The following OTX1 variants were observed in gnomAD, a reference collection of about 807,000 sequenced individuals.
The protein encoded by OTX1 is homeobox protein OTX1.
Under a neutral mutation model 26.7 loss-of-function variants are expected in OTX1, and 7 were observed. The ratio of observed to expected loss-of-function variants is 0.26; its 90% CI spans 0.15 to 0.49. OTX1 has a LOEUF of 0.49. Among genes scored for constraint, OTX1 ranks in the 20% least tolerant of loss-of-function variants. OTX1 has a pLI of 0.98. For missense variants in OTX1, 414 were observed against 483.8 expected (o/e 0.86, Z 1.35); for synonymous variants, 216 against 212.8 (o/e 1.01, Z -0.13).
At position 63,056,401 on chromosome 2, in the gene OTX1, T is replaced by A. The variant is rs1264188093; in HGVS notation, c.*85T>A. ...TGTTGCTGCTGCTGCACCGCCCGCC[T>A]TTGCCTCGTCTTCTCCAAAACTGAA... On this transcript the variant is annotated 3_prime_UTR_variant, in exon 5 of 5. Transcript: ENST00000282549. 2 of 1,220,536 alleles carry A rather than the reference T, an allele frequency of 1.6e-6. No homozygotes were observed. Among genetic ancestry groups the A allele is most frequent in the African/African-American group, 1.5e-5 (1 of 65,916 alleles). The allele number at this position is 1,220,536 out of a possible 1,614,324, so 75.6% of individuals were successfully genotyped here.
chr2:63,050,533 C>T (rs2062017829), upstream of OTX1, among the ~76,000 whole-genome samples: 1 of 152,056 alleles, frequency 6.6e-6, no homozygotes, highest in Non-Finnish European at 1.5e-5. Context: ...GGCCTGGAGA[C>T]CCACGGCCCC....
chr2:63,054,852 CT>C (rs1258441913), intron 4 of OTX1, among the ~76,000 whole-genome samples: 1 of 152,234 alleles, frequency 6.6e-6, no homozygotes, highest in Non-Finnish European at 1.5e-5. Flanking sequence ...TGTGCTGGGG[CT>C]CTCCTAGAAG....
upstream of OTX1, among the ~76,000 whole-genome samples, chr2:63,049,744 A>T (rs1574625684): frequency 6.6e-6 from 1 of 152,264 alleles, no homozygotes; most frequent in Non-Finnish European, 1.5e-5. This position sits in a 1 kb window ranked among gnomAD's most constrained non-coding sequence, Gnocchi z 4.8. Context: ...TGCCATTTAA[A>T]AGATTCGCCT....
At chr2:63,054,025 G>A in intron 3 of OTX1, 22 bp from the exon 4 acceptor site, 1 of 1,605,072 alleles carries the variant, frequency 6.2e-7, no homozygotes, top group Non-Finnish European at 8.5e-7. Flanking sequence ...ATGACCCGCG[G>A]CGCCCCCGCG....
At chr2:63,053,879 C>T (rs957576729) in intron 3 of OTX1, 168 bp from the exon 4 acceptor site, 3 of 680,338 alleles carry the variant, frequency 4.4e-6, no homozygotes, top group Admixed American at 3.2e-5. Context: ...GCACTTTCTC[C>T]CACCTGTGGC....
In OTX1 at chr2:63,055,950, A is replaced by G. The variant is rs768018219; in HGVS notation, c.699A>G (p.Gln233=). Residue 233 remains glutamine (Q), a synonymous_variant, in exon 5 of 5, where the codon CAA becomes CAG. Coordinates refer to ENST00000282549, the MANE Select transcript of OTX1 (RefSeq NM_014562.4). This position sits in a 1 kb window ranked among gnomAD's most constrained non-coding sequence, Gnocchi z 5.2. The part of the protein sequence containing the change: ...MSYGQGGSYG[Q]GYPTPSSSYF... ...ACGGCCAGGGCGGCAGCTACGGCCA[A>G]GGCTACCCTACGCCCTCCTCTTCCT... 6.2e-7 allele frequency: 1 copy of G among 1,613,214 alleles called. No homozygotes were observed. The highest frequency in any genetic ancestry group is 8.5e-7 in the Non-Finnish European group (1 of 1,180,022).
chr2:63,053,612 T>C (rs1041103487), intron 3 of OTX1: 1 of 172,732 alleles, frequency 5.8e-6, no homozygotes, highest in African/African-American at 2.4e-5. Flanking sequence ...GTTTCTTTTT[T>C]AGCTCCCGCT....
chr2:63,054,060 G>A lies in OTX1; in HGVS notation c.111G>A (p.Lys37=), dbSNP rs542138973. 2.5e-6 allele frequency: 4 copies of A among 1,603,790 alleles called. No homozygotes were observed. Among genetic ancestry groups the A allele is most frequent in the East Asian group, 4.5e-5 (2 of 44,030 alleles). ...GTGTCCCCGCAGCCACTCCGCGGAAGCAGCGGCGGGAGCGCACCACCTTCA... is the reference window on the plus strand; with the variant it reads ...GTGTCCCCGCAGCCACTCCGCGGAAACAGCGGCGGGAGCGCACCACCTTCA... The part of the protein sequence containing the change: ...PSVGYPATPR[K]QRRERTTFTR... The change falls in exon 4 of 5, where the codon AAG becomes AAA. Residue 37 remains lysine (K), a synonymous_variant. Coordinates refer to ENST00000282549, the MANE Select transcript of OTX1 (RefSeq NM_014562.4).
Position 63,056,316 on chromosome 2 carries a change from AGCCC to A in OTX1, c.*1_*4del. ...CCTCATGGCGGTTCCAGGTCTTGTGAGCCCAGGAATGAAAGAGGAGAAGAAACGC... is the reference window on the plus strand; with the variant it reads ...CCTCATGGCGGTTCCAGGTCTTGTGAAGGAATGAAAGAGGAGAAGAAACGC... On this transcript the variant is annotated 3_prime_UTR_variant, in exon 5 of 5. Transcript: ENST00000282549. The A allele has an allele frequency of 6.2e-7, 1 of 1,605,042 alleles. No homozygotes were observed. The highest frequency in any genetic ancestry group is 8.5e-7 in the Non-Finnish European group (1 of 1,173,892).
At chr2:63,053,185 A>AG in intron 3 of OTX1, 98 bp downstream of exon 3, 1 of 799,400 alleles carries the variant, frequency 1.3e-6, no homozygotes, top group Admixed American at 2.7e-5. Context: ...GAGCAGGCCC[A>AG]GGGAGCCGGC....
At chr2:63,053,145 C>A in intron 3 of OTX1, 58 bp downstream of exon 3, 1 of 1,204,352 alleles carries the variant, frequency 8.3e-7, no homozygotes, top group South Asian at 1.5e-5. Flanking sequence ...GACCCCCAGA[C>A]TGTTGGATTT....
At chr2:63,051,789 C>T (rs1360268921) in intron 2 of OTX1, 3 of 152,604 alleles carry the variant, frequency 2.0e-5, no homozygotes, top group Admixed American at 2.0e-4. Flanking sequence ...TCACAGCGAT[C>T]CCGCTAAGCG....
In OTX1 at chr2:63,055,427, G is replaced by A; in HGVS notation, c.250-74G>A. On this transcript the variant is annotated intron_variant, in intron 4 of 4. Coordinates refer to ENST00000282549, the MANE Select transcript of OTX1 (RefSeq NM_014562.4). This position sits in a 1 kb window ranked among gnomAD's most constrained non-coding sequence, Gnocchi z 5.2. ...TTGCGATATTCTGGACCGGGAGTTG[G>A]GTCCGCGGGGCGGTGGAGCAACAAG... 6.8e-7 allele frequency: 1 copy of A among 1,473,580 alleles called. No homozygotes were observed. The highest frequency in any genetic ancestry group is 1.3e-5 in the South Asian group (1 of 78,050). The allele number at this position is 1,473,580 out of a possible 1,614,324, so 91.3% of individuals were successfully genotyped here. A position where few individuals can be genotyped will look rare whatever the true frequency, so the allele number is the denominator to read the frequency against.
In OTX1 at chr2:63,056,367, T is replaced by A; in HGVS notation, c.*51T>A. 6.7e-7 allele frequency: 1 copy of A among 1,490,958 alleles called. No homozygotes were observed. The highest frequency in any genetic ancestry group is 9.2e-7 in the Non-Finnish European group (1 of 1,088,834). The allele number at this position is 1,490,958 out of a possible 1,614,324, so 92.4% of individuals were successfully genotyped here. On this transcript the variant is annotated 3_prime_UTR_variant, in exon 5 of 5. Transcript: ENST00000282549. ...ACGCAACTACCTGCGCCCTCCGTGGTCCCGATCCTGTTGCTGCTGCTGCAC... is the reference window on the plus strand; with the variant it reads ...ACGCAACTACCTGCGCCCTCCGTGGACCCGATCCTGTTGCTGCTGCTGCAC...
chr2:63,050,976 G>C (rs978820243), intron 1 of OTX1, 79 bp downstream of exon 1: 5 of 152,232 alleles, frequency 3.3e-5, no homozygotes, highest in African/African-American at 1.2e-4. Context: ...GTTGCACCGG[G>C]AGTGCCGCGG....
chr2:63,056,449 C>T lies in OTX1; in HGVS notation c.*133C>T. Reference sequence around the variant, plus strand: ...GAATTTTCACCCCCCAAAAAGATGTCCATTGCCTGCACTGCCGCCCCCATT... The same window carrying T: ...GAATTTTCACCCCCCAAAAAGATGTTCATTGCCTGCACTGCCGCCCCCATT... On this transcript the variant is annotated 3_prime_UTR_variant, in exon 5 of 5. Coordinates refer to ENST00000282549, the MANE Select transcript of OTX1 (RefSeq NM_014562.4). 1.2e-6 allele frequency: 1 copy of T among 814,672 alleles called. No homozygotes were observed. The allele number at this position is 814,672 out of a possible 1,614,324, so 50.5% of individuals were successfully genotyped here.
At chr2:63,054,756 G>A (rs2153388105) in intron 4 of OTX1, among the ~76,000 whole-genome samples, 1 of 152,318 alleles carries the variant, frequency 6.6e-6, no homozygotes, top group African/African-American at 2.4e-5. Context: ...CGATGATAAC[G>A]TTCGGATTCT....
At position 63,056,595 on chromosome 2, in the gene OTX1, C is replaced by T. The variant is rs1384086982; in HGVS notation, c.*279C>T. The stretch of plus-strand genomic sequence containing the variant: ...AGATGTATTATTTCCCCCCTTCAGC[C>T]CCTACTAAACTCTTAAGCCTCCCCT... On this transcript the variant is annotated 3_prime_UTR_variant, in exon 5 of 5. Transcript: ENST00000282549. The T allele has an allele frequency of 2.0e-6, 1 of 500,060 alleles. No individual in the cohort carries two copies. Among genetic ancestry groups the T allele is most frequent in the Non-Finnish European group, 3.6e-6 (1 of 277,794 alleles). The allele number at this position is 500,060 out of a possible 1,614,324, so 31.0% of individuals were successfully genotyped here.
intron 1 of OTX1, 34 bp downstream of exon 1, chr2:63,050,931 ACT>A (rs1490432230): frequency 6.6e-6 from 1 of 152,144 alleles, no homozygotes; most frequent in African/African-American, 2.4e-5. Flanking sequence ...TTGCAAAGTG[ACT>A]CTGCAGGACT....
Sources: allele counts gnomAD v4.1 joint callset (sites outside exome capture counted in the v4.1 genomes callset), GRCh38; gene constraint gnomAD v4.1.1; non-coding constraint Gnocchi (gnomAD v3.1); transcripts MANE v1.5; gene names NCBI Gene and HGNC (gene_info 2026-07-23, HGNC 2026-07-21).